Variants in AKAP6 observed in about 807,000 individuals in gnomAD.
The protein encoded by AKAP6 is A-kinase anchor protein 6.
A neutral mutation model predicts 188.5 loss-of-function variants in AKAP6; 58 were observed. The observed-to-expected ratio is 0.31, with a 90% CI of 0.25 to 0.38. The LOEUF (loss-of-function observed/expected upper bound fraction) is 0.38, where lower values mean the gene tolerates loss of function less well. AKAP6 is among the 10% of genes least tolerant of loss of function. The pLI is 1.00. For synonymous variants in AKAP6, 989 were observed against 998.6 expected, an observed-to-expected ratio of 0.99 and a Z score of 0.18; for missense variants, 2,710 against 2,740.0, an observed-to-expected ratio of 0.99 and a Z score of 0.24.
intron 2 of AKAP6, among the ~76,000 whole-genome samples, chr14:32,522,527 A>T (rs1881897559): frequency 6.6e-6 from 1 of 152,236 alleles, no homozygotes; most frequent in African/African-American, 2.4e-5. Context: ...AAGTGGGCAA[A>T]GGATATGAAC....
At chr14:32,357,954 G>A (rs1887537228) in intron 1 of AKAP6, among the ~76,000 whole-genome samples, 1 of 152,200 alleles carries the variant, frequency 6.6e-6, no homozygotes. Context: ...AAATGATAGT[G>A]AAGGTTTTCA....
intron 8 of AKAP6, among the ~76,000 whole-genome samples, chr14:32,693,059 T>C (rs1890247453): frequency 1.3e-5 from 2 of 152,310 alleles, no homozygotes; most frequent in Non-Finnish European, 2.9e-5. Flanking sequence ...TCTGAGCATA[T>C]AGGGATTTAC....
At chr14:32,350,534 C>T (rs1435957486) in intron 1 of AKAP6, among the ~76,000 whole-genome samples, 4 of 152,050 alleles carry the variant, frequency 2.6e-5, no homozygotes, top group Non-Finnish European at 4.4e-5. Context: ...GGTCCTGGGA[C>T]TGCAAGAGGA....
At chr14:32,795,521 A>G (rs2033739687) in intron 12 of AKAP6, among the ~76,000 whole-genome samples, 1 of 152,182 alleles carries the variant, frequency 6.6e-6, no homozygotes, top group Non-Finnish European at 1.5e-5. Flanking sequence ...TCACATAAAC[A>G]GAACTAAAGA....
intron 4 of AKAP6, among the ~76,000 whole-genome samples, chr14:32,569,148 C>T (rs1198564377): frequency 6.6e-6 from 1 of 152,152 alleles, no homozygotes; most frequent in Non-Finnish European, 1.5e-5. Flanking sequence ...TAGAACTTCC[C>T]ACCTGGGTAG....
chr14:32,480,698 T>G (rs1200132711), intron 2 of AKAP6, among the ~76,000 whole-genome samples: 1 of 152,182 alleles, frequency 6.6e-6, no homozygotes, highest in Non-Finnish European at 1.5e-5. Context: ...AGGTTTGGTA[T>G]GTAAAGTGAT....
At chr14:32,677,114 C>T (rs960949521) in intron 7 of AKAP6, among the ~76,000 whole-genome samples, 2 of 152,256 alleles carry the variant, frequency 1.3e-5, no homozygotes, top group Non-Finnish European at 2.9e-5. Flanking sequence ...GCATGCATCA[C>T]CGCACCCGGC....
chr14:32,519,427 A>C (rs938055523), intron 2 of AKAP6, among the ~76,000 whole-genome samples: 5 of 152,232 alleles, frequency 3.3e-5, no homozygotes, highest in Admixed American at 1.3e-4. Flanking sequence ...AAGACCCATC[A>C]GTGTGCTGTA....
chr14:32,767,219 C>G (rs2032746846), intron 11 of AKAP6, among the ~76,000 whole-genome samples: 2 of 152,110 alleles, frequency 1.3e-5, no homozygotes, highest in African/African-American at 4.8e-5. Context: ...CTTGTCTACA[C>G]TATTACAGCA....
At chr14:32,739,260 G>A (rs915138560) in intron 11 of AKAP6, among the ~76,000 whole-genome samples, 1 of 151,804 alleles carries the variant, frequency 6.6e-6, no homozygotes, top group African/African-American at 2.4e-5. Flanking sequence ...CATAGTAGGT[G>A]TATATATTTA....
intron 2 of AKAP6, among the ~76,000 whole-genome samples, chr14:32,454,625 T>C (rs1891057389): frequency 6.8e-6 from 1 of 146,174 alleles, no homozygotes. Flanking sequence ...TTGACCTTCC[T>C]TCCTTCCTTC....
At chr14:32,679,463 T>C (rs1206081063) in intron 8 of AKAP6, among the ~76,000 whole-genome samples, 2 of 152,202 alleles carry the variant, frequency 1.3e-5, no homozygotes, top group Admixed American at 6.5e-5. Context: ...GATGTAACTC[T>C]AGCCAAAATA....
At chr14:32,804,545 C>T (rs2140098661) in intron 12 of AKAP6, among the ~76,000 whole-genome samples, 1 of 152,276 alleles carries the variant, frequency 6.6e-6, no homozygotes, top group South Asian at 2.1e-4. Flanking sequence ...TCTGAGGGAA[C>T]AGGACAAAAG....
chr14:32,647,321 C>A (rs1204344098), intron 7 of AKAP6, among the ~76,000 whole-genome samples: 1 of 152,022 alleles, frequency 6.6e-6, no homozygotes, highest in Non-Finnish European at 1.5e-5. Flanking sequence ...CTGCAGATGC[C>A]AGTGCTTTCA....
At chr14:32,773,938 GA>G in intron 12 of AKAP6, 45 bp downstream of exon 12, 1 of 1,573,224 alleles carries the variant, frequency 6.4e-7, no homozygotes, top group South Asian at 1.1e-5. Flanking sequence ...CATTTTCTCA[GA>G]CAAAAAATAA....
At chr14:32,805,108 G>A (rs375775938) in intron 12 of AKAP6, among the ~76,000 whole-genome samples, 33 of 152,246 alleles carry the variant, frequency 2.2e-4, no homozygotes, top group African/African-American at 6.5e-4. Flanking sequence ...CTCAGCTTAC[G>A]AAGATAACAG....
chr14:32,493,337 G>C (rs1031843694), intron 2 of AKAP6, among the ~76,000 whole-genome samples: 3 of 151,878 alleles, frequency 2.0e-5, no homozygotes, highest in Non-Finnish European at 4.4e-5. Flanking sequence ...CTCCCAAGTA[G>C]CTGGGAACAG....
In AKAP6 at chr14:32,546,062, C is replaced by T; in HGVS notation, c.1409C>T (p.Thr470Ile). 6.2e-7 allele frequency: 1 copy of T among 1,614,166 alleles called. No individual in the cohort carries two copies. The highest frequency in any genetic ancestry group is 1.1e-5 in the South Asian group (1 of 91,084). Residue 470 changes from threonine to isoleucine, a missense_variant, in exon 4 of 14, where the codon ACA (threonine) becomes ATA (isoleucine). Transcript: ENST00000280979. ...GTGGGGAATGGGAACCTTGAAAACA[C>T]AGTCAAATTTCACATTAAAGAAATT... ...HKVGNGNLENTVKFHIKEISS... is the reference protein window; with the variant it reads ...HKVGNGNLENIVKFHIKEISS...
intron 1 of AKAP6, among the ~76,000 whole-genome samples, chr14:32,426,161 A>C (rs1477671874): frequency 2.0e-5 from 3 of 152,140 alleles, no homozygotes; most frequent in Non-Finnish European, 4.4e-5. Flanking sequence ...AAAGGTTCGC[A>C]CTTATCTTTC....
Sources: gnomAD v4.1 joint callset for allele counts (sites outside exome capture counted in the v4.1 genomes callset) on GRCh38, gnomAD v4.1.1 for gene constraint, MANE v1.5 for transcripts, NCBI Gene and HGNC (gene_info 2026-07-23, HGNC 2026-07-21) for gene names.